TLL2: variants seen among roughly 807,000 people sequenced by gnomAD.
TLL2 encodes the protein tolloid-like protein 2.
In TLL2, 106 loss-of-function variants were observed where a neutral mutation model predicts 123.0. The observed-to-expected ratio is 0.86, with a 90% CI of 0.74 to 1.01. The LOEUF is 1.01. TLL2 is among the 50% of genes least tolerant of loss of function. The probability of loss-of-function intolerance (pLI) is 0.00; values close to 1 mark genes in which losing one functional copy is unlikely to be tolerated. For missense variants in TLL2, 1,332 were observed against 1,336.7 expected (o/e 1.00, Z 0.06); for synonymous variants, 494 against 516.8 (o/e 0.96, Z 0.60).
At position 96,367,149 on chromosome 10, in the gene TLL2, GTCCCT is replaced by G. The variant is rs1846036528; in HGVS notation, c.*934_*938del. 6.6e-6 allele frequency: 1 copy of G among 152,218 alleles called. No homozygotes were observed. The highest frequency in any genetic ancestry group is 1.5e-5 in the Non-Finnish European group (1 of 68,048). 9.4% of individuals were successfully genotyped at this position (152,218 alleles called of 1,614,324 possible). On this transcript the variant is annotated 3_prime_UTR_variant, in exon 21 of 21. Coordinates refer to ENST00000357947, the MANE Select transcript of TLL2 (RefSeq NM_012465.4). The stretch of plus-strand genomic sequence containing the variant: ...TTCACCCCATAAGGGACCTGAATTG[GTCCCT>G]CATAAGAGGTCTTTGCACATTTTGC...
chr10:96,470,491 T>C (rs972853297), intron 2 of TLL2, among the ~76,000 whole-genome samples: 3 of 152,202 alleles, frequency 2.0e-5, no homozygotes, highest in African/African-American at 4.8e-5. Context: ...AGATGCTGAA[T>C]AAATAATAGC....
rs139550421 is a variant in TLL2 at position 96,383,319 on chromosome 10, T to A, written c.2194+1268A>T. On this transcript the variant is annotated intron_variant, in intron 16 of 20. Transcript: ENST00000357947. ...ATTCCTGTTCATGTGTGATATGGTTTGGCAGTGTCCCTACCCAAATCTCAT... is the reference window on the plus strand; with the variant it reads ...ATTCCTGTTCATGTGTGATATGGTTAGGCAGTGTCCCTACCCAAATCTCAT... Among the ~76,000 whole-genome samples, 644 of 152,332 alleles carry A rather than the reference T, an allele frequency of 4.2e-3. 8 individuals are homozygous for A. Among genetic ancestry groups the A allele is most frequent in the African/African-American group, 0.014 (599 of 41,568 alleles).
At position 96,413,293 on chromosome 10, in the gene TLL2, A is replaced by T; in HGVS notation, c.947T>A (p.Leu316His). The T allele has an allele frequency of 6.2e-7, 1 of 1,614,010 alleles. No homozygotes were observed. ...GACGCCATTGTCATCTTGACGGGGA[A>T]GGATGGTGTCTAAGAAAACTCCTCT... Reference protein sequence around the residue: ...FSRGVFLDTILPRQDDNGVRP... With the variant: ...FSRGVFLDTIHPRQDDNGVRP... Residue 316 changes from leucine (L) to histidine (H), a missense_variant, in exon 8 of 21, where the codon CTT becomes CAT. By Grantham distance (99) the Leu-to-His change is moderately conservative. Transcript: ENST00000357947.
At chr10:96,497,923 T>C (rs758788458) in intron 1 of TLL2, among the ~76,000 whole-genome samples, 33 of 152,230 alleles carry the variant, frequency 2.2e-4, no homozygotes, top group Admixed American at 2.6e-4. Context: ...TTTCACTGCT[T>C]AATTGGGCAG....
Position 96,365,272 on chromosome 10 carries a change from C to T in TLL2, c.*2816G>A, listed in dbSNP as rs1027011687. The T allele has an allele frequency of 2.6e-5, 4 of 152,196 alleles. No homozygotes were observed. The highest frequency in any genetic ancestry group is 5.9e-5 in the Non-Finnish European group (4 of 68,032). 9.4% of individuals were successfully genotyped at this position (152,196 alleles called of 1,614,324 possible). On this transcript the variant is annotated 3_prime_UTR_variant, in exon 21 of 21. Coordinates refer to ENST00000357947, the MANE Select transcript of TLL2 (RefSeq NM_012465.4). Reference sequence around the variant, plus strand: ...GAAACTTCACCTTACAGGTAAATACCTCTAAATATTTACCTTAGAGGAAAA... The same window carrying T: ...GAAACTTCACCTTACAGGTAAATACTTCTAAATATTTACCTTAGAGGAAAA...
intron 11 of TLL2, 108 bp from the exon 12 acceptor site, chr10:96,396,128 T>C (rs931103629): frequency 1.8e-5 from 23 of 1,295,994 alleles, no homozygotes; most frequent in Non-Finnish European, 2.4e-5. Flanking sequence ...ACTAGGTGGC[T>C]CCGCTCACCA....
At chr10:96,395,817 G>A in intron 12 of TLL2, 58 bp downstream of exon 12, 2 of 1,603,986 alleles carry the variant, frequency 1.2e-6, no homozygotes, top group Non-Finnish European at 8.5e-7. Context: ...TTTACAGAGT[G>A]GAGGATGTCT....
At chr10:96,476,240 A>ATATATTTTT in intron 2 of TLL2, among the ~76,000 whole-genome samples, 3 of 20,498 alleles carry the variant, frequency 1.5e-4, no homozygotes, top group African/African-American at 3.5e-4. Context: ...ATATATATAT[A>ATATATTTTT]TTTTATTTTT....
intron 7 of TLL2, among the ~76,000 whole-genome samples, chr10:96,416,411 T>C (rs970288347): frequency 6.6e-6 from 1 of 152,190 alleles, no homozygotes; most frequent in African/African-American, 2.4e-5. Flanking sequence ...CCAACTCATT[T>C]CATCTTCATA....
chr10:96,400,459 A>T (rs777402399), intron 10 of TLL2, among the ~76,000 whole-genome samples: 13 of 152,126 alleles, frequency 8.5e-5, no homozygotes, highest in South Asian at 2.1e-4. Context: ...ACTCTCTAGT[A>T]ATGTAGATGT....
intron 2 of TLL2, among the ~76,000 whole-genome samples, chr10:96,447,671 G>C (rs866750810): frequency 6.6e-6 from 1 of 152,126 alleles, no homozygotes; most frequent in South Asian, 2.1e-4. Flanking sequence ...TTACACACAC[G>C]AAACCACATC....
intron 1 of TLL2, among the ~76,000 whole-genome samples, chr10:96,484,206 A>C (rs776650407): frequency 7.9e-5 from 12 of 152,110 alleles, no homozygotes; most frequent in Non-Finnish European, 1.6e-4. Flanking sequence ...TTCCAAGCAG[A>C]ACCTGTAAGA....
rs773677271 is a variant in TLL2, at chr10:96,513,526, C to A, written c.160G>T (p.Asp54Tyr). The A allele has an allele frequency of 3.1e-6, 5 of 1,612,528 alleles. No individual in the cohort carries two copies. The highest frequency in any genetic ancestry group is 1.1e-5 in the South Asian group (1 of 91,078). Reference sequence around the variant, plus strand: ...CGGCACCTACCGGCTTTGCAAGGGTCGTGGTAATGCTCCAGCTGCTGCTCC... The same window carrying A: ...CGGCACCTACCGGCTTTGCAAGGGTAGTGGTAATGCTCCAGCTGCTGCTCC... The part of the protein sequence containing the change: ...GTEQQLEHYH[D>Y]PCKAAVFWGD... Residue 54 changes from aspartate (D) to tyrosine (Y), a missense_variant, in exon 1 of 21, where the codon GAC becomes TAC. By Grantham distance (160) the Asp-to-Tyr change is radical. Coordinates refer to ENST00000357947, the MANE Select transcript of TLL2 (RefSeq NM_012465.4).
intron 19 of TLL2, 96 bp downstream of exon 19, chr10:96,373,500 G>T: frequency 8.3e-7 from 1 of 1,209,970 alleles, no homozygotes; most frequent in African/African-American, 1.5e-5. Flanking sequence ...CCCTCCCCCA[G>T]TCAGAATAAA....
intron 18 of TLL2, 29 bp downstream of exon 18, chr10:96,376,663 A>T: frequency 6.2e-7 from 1 of 1,608,406 alleles, no homozygotes; most frequent in Non-Finnish European, 8.5e-7. Flanking sequence ...TCAAGTCCAC[A>T]TTCTCAATAA....
chr10:96,376,327 ACCTCCTGTACTGATTCATCT>A (rs1846137714), intron 18 of TLL2, among the ~76,000 whole-genome samples: 1 of 152,154 alleles, frequency 6.6e-6, no homozygotes, highest in Non-Finnish European at 1.5e-5. Context: ...TCTATTTCCA[ACCTCCTGTACTGATTCATCT>A]CATTTTTAAT....
At chr10:96,383,005 C>T (rs12244409) in intron 16 of TLL2, among the ~76,000 whole-genome samples, 2 of 149,318 alleles carry the variant, frequency 1.3e-5, no homozygotes, top group Non-Finnish European at 3.0e-5. Flanking sequence ...GGAGAGGGAA[C>T]GCCACAGGCA....
chr10:96,504,161 C>T (rs1251815138), intron 1 of TLL2, among the ~76,000 whole-genome samples: 1 of 152,170 alleles, frequency 6.6e-6, no homozygotes, highest in Non-Finnish European at 1.5e-5. Context: ...GAGGCTCAGG[C>T]CCAAAGCCAC....
At chr10:96,453,284 C>T (rs1016553813) in intron 2 of TLL2, among the ~76,000 whole-genome samples, 4 of 152,038 alleles carry the variant, frequency 2.6e-5, no homozygotes, top group Non-Finnish European at 4.4e-5. Context: ...GGCGAAACCC[C>T]GTCTCTACTA....
Sources: gnomAD v4.1 joint callset for allele counts (sites outside exome capture counted in the v4.1 genomes callset) on GRCh38, gnomAD v4.1.1 for gene constraint, MANE v1.5 for transcripts, NCBI Gene and HGNC (gene_info 2026-07-23, HGNC 2026-07-21) for gene names.